The following TMEM255A variants were observed in gnomAD, a reference collection of about 807,000 sequenced individuals.
TMEM255A encodes the protein transmembrane protein 255A, also known as family with sequence similarity 70, member A.
TMEM255A carries 14 observed loss-of-function variants against 23.5 expected under a neutral mutation model. That is an observed-to-expected ratio of 0.60 (90% CI 0.39 to 0.93). The LOEUF (loss-of-function observed/expected upper bound fraction) is 0.93, where lower values mean the gene tolerates loss of function less well. TMEM255A is among the 40% of genes least tolerant of loss of function. TMEM255A has a pLI of 0.00. For synonymous variants in TMEM255A, 104 were observed against 100.3 expected, an observed-to-expected ratio of 1.04 and a Z score of -0.22; for missense variants, 233 against 261.7, an observed-to-expected ratio of 0.89 and a Z score of 0.76.
chrX:120,288,611 T>C (rs7065994), intron 4 of TMEM255A, among the ~76,000 whole-genome samples: 5,173 of 111,910 alleles, frequency 0.046, 297 homozygotes, highest in African/African-American at 0.16. Context: ...ATACTCTTCA[T>C]TGAGGCCCAG....
At chrX:120,283,784 A>T (rs2057853431) in intron 6 of TMEM255A, among the ~76,000 whole-genome samples, 2 of 110,986 alleles carry the variant, frequency 1.8e-5, no homozygotes, top group African/African-American at 6.6e-5. Flanking sequence ...CGCTCTTGCA[A>T]TGGCCTCCTA....
At chrX:120,304,209 C>T in intron 2 of TMEM255A, 140 bp downstream of exon 2, 2 of 662,580 alleles carry the variant, frequency 3.0e-6, no homozygotes, top group Non-Finnish European at 4.6e-6. Flanking sequence ...AGTTGCCTCT[C>T]CACATAAATA....
chrX:120,277,940 A>G (rs1219988094), intron 6 of TMEM255A, among the ~76,000 whole-genome samples: 2 of 111,960 alleles, frequency 1.8e-5, no homozygotes, highest in African/African-American at 6.5e-5. Flanking sequence ...TTAAAGCCCT[A>G]TCCCCCAATG....
At position 120,260,620 on chromosome X, in the gene TMEM255A, G is replaced by C. The variant is rs782654316; in HGVS notation, c.*250C>G. 3.0e-6 allele frequency: 1 copy of C among 334,468 alleles called. No individual in the cohort carries two copies. Among genetic ancestry groups the C allele is most frequent in the Non-Finnish European group, 5.0e-6 (1 of 198,484 alleles). The allele number at this position is 334,468 out of a possible 1,213,427, so 27.6% of individuals were successfully genotyped here. Reference sequence around the variant, plus strand: ...CATAGGGTAATGCAAGTCCAAACAAGCTTCTTGCTGGGCTGGCTCCCCAGT... The same window carrying C: ...CATAGGGTAATGCAAGTCCAAACAACCTTCTTGCTGGGCTGGCTCCCCAGT... On this transcript the variant is annotated 3_prime_UTR_variant, in exon 9 of 9. Transcript: ENST00000371369.
At chrX:120,289,448 T>C (rs934189746) in intron 4 of TMEM255A, among the ~76,000 whole-genome samples, 1 of 111,335 alleles carries the variant, frequency 9.0e-6, no homozygotes, top group African/African-American at 3.3e-5. Flanking sequence ...GTCAGGAAAA[T>C]GCAAATCAAA....
chrX:120,287,637 C>T (rs538748911), intron 4 of TMEM255A, among the ~76,000 whole-genome samples: 3 of 111,084 alleles, frequency 2.7e-5, no homozygotes, highest in South Asian at 3.8e-4. Context: ...TTCATTATCA[C>T]CTGGGGACAG....
chrX:120,310,912 G>T (rs782508328), intron 1 of TMEM255A, among the ~76,000 whole-genome samples: 66 of 109,606 alleles, frequency 6.0e-4, no homozygotes, highest in African/African-American at 2.1e-3. Flanking sequence ...AAGCGAAGGC[G>T]CAGGTTGCAG....
intron 2 of TMEM255A, among the ~76,000 whole-genome samples, chrX:120,302,472 C>G (rs1300761219): frequency 9.1e-6 from 1 of 109,695 alleles, no homozygotes; most frequent in African/African-American, 3.3e-5. Flanking sequence ...GCTATCTTAC[C>G]CCCTCTGTTC....
chrX:120,288,666 T>G (rs781795356), intron 4 of TMEM255A, among the ~76,000 whole-genome samples: 1 of 112,126 alleles, frequency 8.9e-6, no homozygotes, highest in Non-Finnish European at 1.9e-5. Context: ...AAAAGGTCAC[T>G]CAGCCAGGGC....
At chrX:120,262,393 AT>A (rs1372022783) in intron 8 of TMEM255A, among the ~76,000 whole-genome samples, 13 of 111,743 alleles carry the variant, frequency 1.2e-4, no homozygotes, top group South Asian at 7.6e-4. Flanking sequence ...CTGAGAAGAG[AT>A]GCTAGCTGCC....
intron 3 of TMEM255A, among the ~76,000 whole-genome samples, chrX:120,292,893 A>G (rs2147205021): frequency 8.9e-6 from 1 of 112,284 alleles, no homozygotes; most frequent in East Asian, 2.8e-4. Flanking sequence ...GAGAATTGGT[A>G]AATAATGTAT....
Position 120,285,202 on chromosome X carries a change from T to C in TMEM255A, c.437A>G (p.His146Arg), listed in dbSNP as rs1556021545. ...AGGTGTGCAGAATTCACGGCTGAGGTGAGGGCAGTTAACCTGACGGTATAT... is the reference window on the plus strand; with the variant it reads ...AGGTGTGCAGAATTCACGGCTGAGGCGAGGGCAGTTAACCTGACGGTATAT... ...QKEAEEVNCP[H>R]LSREFCTPRI... Residue 146 changes from histidine (H) to arginine (R), a missense_variant, in exon 6 of 9, where the codon CAC (histidine) becomes CGC (arginine). His to Arg is a conservative substitution (Grantham distance 29, BLOSUM62 0). Coordinates refer to ENST00000371369, the MANE Select transcript of TMEM255A (RefSeq NM_001104544.3). 8.3e-7 allele frequency: 1 copy of C among 1,208,401 alleles called. No homozygotes were observed. Among genetic ancestry groups the C allele is most frequent in the South Asian group, 1.8e-5 (1 of 56,843 alleles).
intron 7 of TMEM255A, among the ~76,000 whole-genome samples, 181 bp downstream of exon 7, chrX:120,276,704 G>A (rs1237978499): frequency 1.8e-5 from 2 of 111,328 alleles, no homozygotes; most frequent in Non-Finnish European, 3.8e-5. Flanking sequence ...AGAAATATTT[G>A]CAGACTGATG....
chrX:120,303,247 A>T (rs1365656584), intron 2 of TMEM255A, among the ~76,000 whole-genome samples: 1 of 111,741 alleles, frequency 8.9e-6, no homozygotes, highest in Non-Finnish European at 1.9e-5. Context: ...TTTATCTAAA[A>T]TAATAAGAAA....
intron 7 of TMEM255A, among the ~76,000 whole-genome samples, chrX:120,269,218 G>A (rs2057738596): frequency 9.0e-6 from 1 of 110,891 alleles, no homozygotes; most frequent in Admixed American, 9.6e-5. Flanking sequence ...AAGGGTTAAA[G>A]CTAACCTTGT....
chrX:120,277,817 T>G (rs1317169882), intron 6 of TMEM255A, among the ~76,000 whole-genome samples: 1 of 111,920 alleles, frequency 8.9e-6, no homozygotes, highest in Non-Finnish European at 1.9e-5. Flanking sequence ...GAAAGTCGCC[T>G]CCGTGGGGAG....
chrX:120,311,376 G>A lies in TMEM255A; in HGVS notation c.-67C>T, dbSNP rs2058101084. The A allele has an allele frequency of 4.2e-6, 4 of 950,579 alleles. No individual in the cohort carries two copies. The highest frequency in any genetic ancestry group is 6.7e-5 in the East Asian group (2 of 29,800). 78.3% of individuals were successfully genotyped at this position (950,579 alleles called of 1,213,427 possible). A position where few individuals can be genotyped will look rare whatever the true frequency, so the allele number is the denominator to read the frequency against. ...AAGCGCCCCCGGCTCTGGGCGCCCC[G>A]CAGAGCATCCTACTCCGCGGTTGCC... is the stretch of plus-strand genomic sequence containing the variant. On this transcript the variant is annotated 5_prime_UTR_variant, in exon 1 of 9. Transcript: ENST00000371369.
chrX:120,272,404 G>A (rs186544542), intron 7 of TMEM255A, among the ~76,000 whole-genome samples: 2 of 111,401 alleles, frequency 1.8e-5, no homozygotes, highest in African/African-American at 3.3e-5. Context: ...GCACTGATAC[G>A]GTTTGGATTT....
chrX:120,270,481 A>G (rs2057751010), intron 7 of TMEM255A, among the ~76,000 whole-genome samples: 2 of 110,774 alleles, frequency 1.8e-5, no homozygotes, highest in South Asian at 7.9e-4. Context: ...TTCTGAGACA[A>G]TGATTGTGGA....
Sources: allele counts gnomAD v4.1 joint callset (sites outside exome capture counted in the v4.1 genomes callset), GRCh38; gene constraint gnomAD v4.1.1; transcripts MANE v1.5; gene names NCBI Gene and HGNC (gene_info 2026-07-23, HGNC 2026-07-21).